Variants in TASP1 observed in about 807,000 individuals in gnomAD.
TASP1 encodes taspase 1.
Under a neutral mutation model 56.6 loss-of-function variants are expected in TASP1, and 16 were observed. That is an observed-to-expected ratio of 0.28 (90% CI 0.19 to 0.43). TASP1 has a LOEUF of 0.43. TASP1 is among the 20% of genes least tolerant of loss of function. The pLI, the probability that TASP1 is intolerant of heterozygous loss-of-function variation, is 1.00. For synonymous variants in TASP1, 179 were observed against 184.2 expected (o/e 0.97, Z 0.23); for missense variants, 393 against 511.6 (o/e 0.77, Z 2.24).
At chr20:13,155,194 A>T in the TASP1 span, among the ~76,000 whole-genome samples, 2 of 152,156 alleles carry the variant, frequency 1.3e-5, no homozygotes, top group African/African-American at 4.8e-5. Flanking sequence ...TCAAAAAAAA[A>T]AAGGAAGTTA....
chr20:13,110,719 G>A, the TASP1 span, among the ~76,000 whole-genome samples: 2 of 152,092 alleles, frequency 1.3e-5, no homozygotes, highest in Non-Finnish European at 2.9e-5. Flanking sequence ...AACCTGGGGT[G>A]CAATTCTTGT....
At chr20:13,319,364 A>C in the TASP1 span, among the ~76,000 whole-genome samples, 1 of 152,164 alleles carries the variant, frequency 6.6e-6, no homozygotes, top group African/African-American at 2.4e-5. Flanking sequence ...TGCTAATCAG[A>C]AACTGGAAGT....
intron 13 of TASP1, among the ~76,000 whole-genome samples, chr20:13,416,961 G>A (rs548843980): frequency 7.9e-5 from 12 of 152,320 alleles, no homozygotes; most frequent in African/African-American, 2.9e-4. Flanking sequence ...GTCAGGGCAT[G>A]ACAGAACACA....
intron 1 of TASP1, among the ~76,000 whole-genome samples, chr20:13,632,913 C>A (rs529607786): frequency 6.6e-6 from 1 of 152,242 alleles, no homozygotes; most frequent in East Asian, 1.9e-4. Flanking sequence ...ACAAAAAATT[C>A]TAAATCTCAC....
chr20:13,390,585 A>C (rs766642265), intron 13 of TASP1, 133 bp from the exon 14 acceptor site: 17 of 661,970 alleles, frequency 2.6e-5, no homozygotes, highest in Non-Finnish European at 4.2e-5. Context: ...GCATCCACAG[A>C]CTGTACCACT....
At chr20:13,624,569 C>A (rs1253443975) in intron 3 of TASP1, among the ~76,000 whole-genome samples, 7 of 152,104 alleles carry the variant, frequency 4.6e-5, no homozygotes, top group African/African-American at 7.2e-5. Context: ...CAACTAGATT[C>A]TATTTGCATA....
chr20:13,259,156 G>A, the TASP1 span, among the ~76,000 whole-genome samples: 4 of 151,970 alleles, frequency 2.6e-5, no homozygotes, highest in African/African-American at 9.7e-5. Flanking sequence ...GGTGGTATGC[G>A]CCTGTAGTCC....
At chr20:13,367,698 C>T in the TASP1 span, among the ~76,000 whole-genome samples, 11 of 152,208 alleles carry the variant, frequency 7.2e-5, no homozygotes, top group East Asian at 1.3e-3. Context: ...GTTCATATTG[C>T]TAAATATGGT....
the TASP1 span, among the ~76,000 whole-genome samples, chr20:13,364,348 G>C: frequency 6.6e-6 from 1 of 152,292 alleles, no homozygotes; most frequent in South Asian, 2.1e-4. Flanking sequence ...CTGTGGAAGA[G>C]AGGACCATGT....
intron 4 of TASP1, among the ~76,000 whole-genome samples, chr20:13,593,798 A>T (rs1375822028): frequency 6.6e-6 from 1 of 152,172 alleles, no homozygotes; most frequent in Non-Finnish European, 1.5e-5. Context: ...AAGGCAGCAG[A>T]AACTTCTGCA....
downstream of TASP1, among the ~76,000 whole-genome samples, chr20:13,385,622 G>C (rs2041158065): frequency 6.6e-6 from 1 of 152,156 alleles, no homozygotes; most frequent in South Asian, 2.1e-4. Flanking sequence ...AAGCAACCCT[G>C]AGATAAGGAG....
chr20:13,310,456 T>G, the TASP1 span, among the ~76,000 whole-genome samples: 32 of 151,450 alleles, frequency 2.1e-4, no homozygotes, highest in African/African-American at 7.5e-4. Flanking sequence ...ATATAAGACC[T>G]AAAACTGTAA....
Position 13,390,422 on chromosome 20 carries a change from C to G in TASP1, c.1201G>C (p.Val401Leu). The change falls in exon 14 of 14, where the codon GTG becomes CTG. Residue 401 changes from valine to leucine, a missense_variant. Physicochemically the swap from Val to Leu is conservative, Grantham distance 32. Coordinates refer to ENST00000337743, the MANE Select transcript of TASP1 (RefSeq NM_017714.3). Reference sequence around the variant, plus strand: ...TCGATTGCCACAGACTGTCCTGCCACCGCACCAGGAGGAAGTCTTGAAATG... The same window carrying G: ...TCGATTGCCACAGACTGTCCTGCCAGCGCACCAGGAGGAAGTCTTGAAATG... ...THISRLPPGA[V>L]AGQSVAIEGG... The G allele has an allele frequency of 6.2e-7, 1 of 1,613,990 alleles. No homozygotes were observed. The highest frequency in any genetic ancestry group is 8.5e-7 in the Non-Finnish European group (1 of 1,179,942).
At chr20:13,547,217 A>T (rs147398286) in intron 8 of TASP1, among the ~76,000 whole-genome samples, 1 of 152,296 alleles carries the variant, frequency 6.6e-6, no homozygotes, top group African/African-American at 2.4e-5. Flanking sequence ...AAAATGGCAA[A>T]TGTGTAAAGC....
At chr20:13,276,796 C>T in the TASP1 span, among the ~76,000 whole-genome samples, 4 of 152,120 alleles carry the variant, frequency 2.6e-5, no homozygotes, top group Admixed American at 6.5e-5. Flanking sequence ...AAACATAAAA[C>T]GAGCCCTCGC....
chr20:13,140,865 G>T, the TASP1 span, among the ~76,000 whole-genome samples: 10 of 152,118 alleles, frequency 6.6e-5, no homozygotes, highest in Non-Finnish European at 8.8e-5. Flanking sequence ...CACTTTGTGC[G>T]AATTATTTCA....
At chr20:13,244,312 T>G in the TASP1 span, 3 of 135,456 alleles carry the variant, frequency 2.2e-5, no homozygotes, top group African/African-American at 5.8e-5. Context: ...CTCTCGACAC[T>G]AAGATGACCA....
chr20:13,183,678 A>G, the TASP1 span, among the ~76,000 whole-genome samples: 1 of 152,202 alleles, frequency 6.6e-6, no homozygotes, highest in Non-Finnish European at 1.5e-5. Context: ...TTTGAAAAAT[A>G]ACAATGAACA....
chr20:13,430,492 CG>C (rs2042769022), intron 12 of TASP1, among the ~76,000 whole-genome samples: 1 of 152,184 alleles, frequency 6.6e-6, no homozygotes, highest in African/African-American at 2.4e-5. Context: ...CAGTTTTTTG[CG>C]AAGTGGGCTT....
Sources: gnomAD v4.1 joint callset for allele counts (sites outside exome capture counted in the v4.1 genomes callset) on GRCh38, gnomAD v4.1.1 for gene constraint, MANE v1.5 for transcripts, NCBI Gene and HGNC (gene_info 2026-07-23, HGNC 2026-07-21) for gene names.